The following EDIL3 variants were observed in gnomAD, a reference collection of about 807,000 sequenced individuals.
EDIL3 encodes EGF like and discoidin domains 3.
A neutral mutation model predicts 67.4 loss-of-function variants in EDIL3; 37 were observed. The ratio of observed to expected loss-of-function variants is 0.55; its 90% CI spans 0.42 to 0.72. EDIL3 has a LOEUF of 0.72. EDIL3 is among the 30% of genes least tolerant of loss of function. The pLI is 0.00. For missense variants in EDIL3, 527 were observed against 586.3 expected (o/e 0.90, Z 1.04); for synonymous variants, 195 against 196.3 (o/e 0.99, Z 0.05).
intron 8 of EDIL3, among the ~76,000 whole-genome samples, chr5:84,063,107 G>C (rs990566337): frequency 6.6e-6 from 1 of 152,070 alleles, no homozygotes; most frequent in Non-Finnish European, 1.5e-5. Context: ...TGTCAAACTT[G>C]GGAGTAAAAT....
intron 1 of EDIL3, among the ~76,000 whole-genome samples, chr5:84,370,319 C>T (rs1043547573): frequency 4.6e-5 from 7 of 152,180 alleles, no homozygotes; most frequent in Admixed American, 2.0e-4. Flanking sequence ...CTCAGCTCCT[C>T]GGCAGACACA....
chr5:84,348,590 T>C (rs1028703376), intron 1 of EDIL3, among the ~76,000 whole-genome samples: 1 of 38,982 alleles, frequency 2.6e-5, no homozygotes, highest in Non-Finnish European at 6.5e-5. Flanking sequence ...TGTTCCTCTG[T>C]GGCAAAAAAA....
chr5:84,146,225 A>C (rs1367458380), intron 4 of EDIL3, among the ~76,000 whole-genome samples: 1 of 152,118 alleles, frequency 6.6e-6, no homozygotes, highest in Non-Finnish European at 1.5e-5. Context: ...TCTACAAGCT[A>C]AATGTTATTA....
intron 4 of EDIL3, among the ~76,000 whole-genome samples, chr5:84,156,619 A>G (rs73769752): frequency 8.7e-4 from 132 of 152,352 alleles, no homozygotes; most frequent in African/African-American, 3.2e-3. Context: ...CTATCTTAAA[A>G]GGCTAAGTTT....
rs558503572 is a variant in EDIL3 at position 83,959,515 on chromosome 5, A to G, written c.1293+3690T>C. ...TTGTTTATACATATTTCTGTTTGAA[A>G]AGTGCATCTATAAAACATCTCACAG... is the stretch of plus-strand genomic sequence containing the variant. On this transcript the variant is annotated intron_variant, in intron 10 of 10. Transcript: ENST00000296591. Among the ~76,000 whole-genome samples the G allele has an allele frequency of 5.3e-5, 8 of 151,226 alleles. No homozygotes were observed. The South Asian group carries it at 1.7e-3, about 31-fold the overall frequency.
chr5:84,197,492 T>C (rs979327742), intron 3 of EDIL3, among the ~76,000 whole-genome samples: 2 of 151,900 alleles, frequency 1.3e-5, no homozygotes, highest in Non-Finnish European at 2.9e-5. Context: ...AAACCCCGTC[T>C]CTACTAAAAT....
intron 1 of EDIL3, among the ~76,000 whole-genome samples, chr5:84,259,879 A>G (rs1745194841): frequency 6.6e-6 from 1 of 152,176 alleles, no homozygotes; most frequent in Admixed American, 6.5e-5. Context: ...AAAAAACCGA[A>G]AAGCCTAAAA....
intron 4 of EDIL3, among the ~76,000 whole-genome samples, chr5:84,159,092 C>G (rs1374306484): frequency 6.6e-6 from 1 of 152,022 alleles, no homozygotes; most frequent in Non-Finnish European, 1.5e-5. Flanking sequence ...ACATACACAA[C>G]CAAGTGGAAA....
rs889296585 is a variant in EDIL3 at position 84,003,833 on chromosome 5, T to C, written c.1138-40473A>G. On this transcript the variant is annotated intron_variant, in intron 9 of 10. Coordinates refer to ENST00000296591, the MANE Select transcript of EDIL3 (RefSeq NM_005711.5). Reference sequence around the variant, plus strand: ...AACCTGCATATATCAGTATTACCCATAAATTTAAACAGGTTAAATGTCCCA... The same window carrying C: ...AACCTGCATATATCAGTATTACCCACAAATTTAAACAGGTTAAATGTCCCA... Among the ~76,000 whole-genome samples, 4 of 152,166 alleles carry C rather than the reference T, an allele frequency of 2.6e-5. No homozygotes were observed. In the East Asian group the frequency reaches 5.8e-4, roughly 22 times the overall value.
intron 1 of EDIL3, among the ~76,000 whole-genome samples, chr5:84,371,098 ATAAC>A (rs1326654880): frequency 6.6e-6 from 1 of 151,726 alleles, no homozygotes; most frequent in African/African-American, 2.4e-5. Context: ...AAATGATTAT[ATAAC>A]TATGATTTTT....
chr5:84,326,842 A>C (rs1387790665), intron 1 of EDIL3, among the ~76,000 whole-genome samples: 1 of 151,710 alleles, frequency 6.6e-6, no homozygotes, highest in Non-Finnish European at 1.5e-5. Context: ...ATACAATTAG[A>C]TATATGTTGA....
chr5:84,341,546 T>C (rs966127976), intron 1 of EDIL3, among the ~76,000 whole-genome samples: 5 of 152,154 alleles, frequency 3.3e-5, no homozygotes, highest in African/African-American at 1.2e-4. Context: ...TTCTGTGTAA[T>C]GTTAAACTTT....
intron 5 of EDIL3, among the ~76,000 whole-genome samples, chr5:84,109,773 G>A (rs1009367734): frequency 6.6e-6 from 1 of 152,016 alleles, no homozygotes; most frequent in East Asian, 1.9e-4. Context: ...AGTCAAAAAA[G>A]GCCACCAAAG....
At chr5:84,008,536 T>C (rs1332556087) in intron 9 of EDIL3, among the ~76,000 whole-genome samples, 1 of 152,090 alleles carries the variant, frequency 6.6e-6, no homozygotes, top group East Asian at 1.9e-4. Flanking sequence ...ACACCCTCCT[T>C]TGATGGGCAG....
chr5:84,116,040 A>T (rs1747656939), intron 5 of EDIL3, among the ~76,000 whole-genome samples: 1 of 152,206 alleles, frequency 6.6e-6, no homozygotes, highest in Non-Finnish European at 1.5e-5. Context: ...CTGCCATGTC[A>T]GGCACTGATT....
At chr5:84,175,403 AG>A (rs1455705852) in intron 4 of EDIL3, among the ~76,000 whole-genome samples, 31 of 152,350 alleles carry the variant, frequency 2.0e-4, no homozygotes, top group African/African-American at 7.2e-4. Flanking sequence ...AAAGACCCAT[AG>A]CAATCCCCAT....
intron 9 of EDIL3, among the ~76,000 whole-genome samples, chr5:84,053,118 A>G (rs1746373646): frequency 6.6e-6 from 1 of 152,368 alleles, no homozygotes; most frequent in African/African-American, 2.4e-5. Context: ...CTCTCAGACC[A>G]CAGTGCAATC....
intron 6 of EDIL3, among the ~76,000 whole-genome samples, chr5:84,088,674 G>A (rs1747112928): frequency 6.6e-6 from 1 of 152,076 alleles, no homozygotes; most frequent in African/African-American, 2.4e-5. Context: ...AGTGATTGAA[G>A]CATTAAGTAT....
At chr5:84,288,261 A>C (rs1164026372) in intron 1 of EDIL3, among the ~76,000 whole-genome samples, 2 of 152,086 alleles carry the variant, frequency 1.3e-5, no homozygotes, top group Non-Finnish European at 2.9e-5. Context: ...AAATACATCC[A>C]GAATGTGACC....
Sources: gnomAD v4.1 joint callset for allele counts (sites outside exome capture counted in the v4.1 genomes callset) on GRCh38, gnomAD v4.1.1 for gene constraint, MANE v1.5 for transcripts, NCBI Gene and HGNC (gene_info 2026-07-23, HGNC 2026-07-21) for gene names.